Variants in ADARB2 observed in about 807,000 individuals in gnomAD.
ADARB2 encodes the protein inactive double-stranded RNA-specific editase B2.
A neutral mutation model predicts 62.2 loss-of-function variants in ADARB2; 25 were observed. That is an observed-to-expected ratio of 0.40 (90% confidence interval 0.29 to 0.56). The LOEUF is 0.56. ADARB2 is among the 20% of genes least tolerant of loss of function. The pLI is 0.43. For synonymous variants in ADARB2, 572 were observed against 500.8 expected, an observed-to-expected ratio of 1.14 and a Z score of -1.90; for missense variants, 1,071 against 1,077.4, an observed-to-expected ratio of 0.99 and a Z score of 0.08.
At chr10:1,638,513 T>TC (rs1297568059) in intron 1 of ADARB2, among the ~76,000 whole-genome samples, 1 of 152,050 alleles carries the variant, frequency 6.6e-6, no homozygotes. Context: ...GAGGTTTTTT[T>TC]TTTTGGTCAG....
At chr10:1,217,159 G>C in intron 6 of ADARB2, 40 bp from the exon 7 acceptor site, 3 of 1,507,862 alleles carry the variant, frequency 2.0e-6, no homozygotes, top group Non-Finnish European at 2.7e-6. Flanking sequence ...GAAGAGGGAA[G>C]CCGCCTTGGT....
At chr10:1,457,229 A>G (rs1831105775) in intron 1 of ADARB2, among the ~76,000 whole-genome samples, 1 of 152,222 alleles carries the variant, frequency 6.6e-6, no homozygotes, top group Non-Finnish European at 1.5e-5. Flanking sequence ...AAATTTAGAC[A>G]TAAGGCTCAG....
chr10:1,591,330 T>A (rs552703763), intron 1 of ADARB2, among the ~76,000 whole-genome samples: 18 of 152,246 alleles, frequency 1.2e-4, no homozygotes, highest in African/African-American at 4.1e-4. Context: ...CCTTCTTTCC[T>A]CCCTCTCAAA....
At chr10:1,284,889 C>T (rs1036335395) in intron 3 of ADARB2, among the ~76,000 whole-genome samples, 2 of 152,016 alleles carry the variant, frequency 1.3e-5, no homozygotes, top group Non-Finnish European at 2.9e-5. Context: ...ATGGTCTGGC[C>T]CACCTTCAGT....
intron 3 of ADARB2, among the ~76,000 whole-genome samples, chr10:1,355,620 G>A (rs1832187376): frequency 6.6e-6 from 1 of 152,200 alleles, no homozygotes; most frequent in Non-Finnish European, 1.5e-5. Context: ...TGGCTCACAG[G>A]CCCTGCTTAA....
chr10:1,661,420 A>G (rs945249506), intron 1 of ADARB2, among the ~76,000 whole-genome samples: 2 of 152,090 alleles, frequency 1.3e-5, no homozygotes, highest in Non-Finnish European at 2.9e-5. Context: ...TCATCTCCCA[A>G]TAGAGGAGAA....
intron 1 of ADARB2, among the ~76,000 whole-genome samples, chr10:1,670,300 A>G (rs1834368279): frequency 6.6e-6 from 1 of 152,202 alleles, no homozygotes; most frequent in South Asian, 2.1e-4. Context: ...TAGCACATGG[A>G]ATTTCAGAAA....
At chr10:1,713,150 G>A (rs373188213) in intron 1 of ADARB2, among the ~76,000 whole-genome samples, 46 of 152,292 alleles carry the variant, frequency 3.0e-4, no homozygotes, top group African/African-American at 8.7e-4. Flanking sequence ...GGAGGGTACC[G>A]CTCACACCTG....
At chr10:1,211,493 G>A (rs1219328164) in intron 7 of ADARB2, among the ~76,000 whole-genome samples, 1 of 152,208 alleles carries the variant, frequency 6.6e-6, no homozygotes, top group African/African-American at 2.4e-5. Context: ...CCACCTGCCA[G>A]AAGCTTAGAG....
intron 3 of ADARB2, among the ~76,000 whole-genome samples, chr10:1,323,928 C>A (rs1407558794): frequency 6.6e-6 from 1 of 152,198 alleles, no homozygotes; most frequent in Non-Finnish European, 1.5e-5. Context: ...GGAAAGCTTT[C>A]ATTCTGTGAA....
chr10:1,544,020 A>C (rs11594090), intron 1 of ADARB2, among the ~76,000 whole-genome samples: 11 of 70,218 alleles, frequency 1.6e-4, no homozygotes, highest in African/African-American at 3.6e-4. Flanking sequence ...AAAACAAACA[A>C]AAAAAAAAAC....
Position 1,737,252 on chromosome 10 carries a change from G to T in ADARB2, c.-102C>A. ...CGCCGCTGCTGCGAAGCTTGAGGTT[G>T]CAAACCCGGGAGCGGCTCACTTTTC... On this transcript the variant is annotated 5_prime_UTR_variant, in exon 1 of 10. Transcript: ENST00000381312. The T allele has an allele frequency of 8.1e-7, 1 of 1,236,610 alleles. No individual in the cohort carries two copies. The highest frequency in any genetic ancestry group is 1.2e-6 in the Non-Finnish European group (1 of 861,872). The allele number at this position is 1,236,610 out of a possible 1,614,324, so 76.6% of individuals were successfully genotyped here.
In ADARB2 at chr10:1,357,944, G is replaced by A. The variant is rs371875389; in HGVS notation, c.1077+5084C>T. Among the ~76,000 whole-genome samples, 17 of 152,322 alleles carry A rather than the reference G, an allele frequency of 1.1e-4. No homozygotes were observed. In the East Asian group the frequency reaches 1.5e-3, roughly 14 times the overall value. ...CACAGGACAAGCAGGTTTTTCCTAC[G>A]TTTGCACAAAGCTCTGCTGACTGTA... On this transcript the variant is annotated intron_variant, in intron 3 of 9. Transcript: ENST00000381312.
At chr10:1,591,574 G>T (rs1286437580) in intron 1 of ADARB2, among the ~76,000 whole-genome samples, 1 of 152,070 alleles carries the variant, frequency 6.6e-6, no homozygotes, top group Admixed American at 6.5e-5. Flanking sequence ...TTCAGAAAGT[G>T]CTCTCTGGGT....
chr10:1,712,975 C>T (rs1834969721), intron 1 of ADARB2, among the ~76,000 whole-genome samples: 1 of 152,078 alleles, frequency 6.6e-6, no homozygotes, highest in Non-Finnish European at 1.5e-5. Flanking sequence ...TCCTTAGTCC[C>T]GACAGCAGGG....
chr10:1,200,135 C>T lies in ADARB2; in HGVS notation c.1695G>A (p.Leu565=). The part of the protein sequence containing the change: ...CTDKIARWNV[L]GLQGALLSHF... ...GGGACAGGAGCGCGCCCTGCAGCCCCAGGACGTTCCACCTGTGGGGAGAGC... is the reference window on the plus strand; with the variant it reads ...GGGACAGGAGCGCGCCCTGCAGCCCTAGGACGTTCCACCTGTGGGGAGAGC... The change falls in exon 8 of 10, where the codon CTG becomes CTA. Residue 565 remains leucine, a synonymous_variant. Coordinates refer to ENST00000381312, the MANE Select transcript of ADARB2 (RefSeq NM_018702.4). 6.4e-7 allele frequency: 1 copy of T among 1,550,516 alleles called. No homozygotes were observed. The highest frequency in any genetic ancestry group is 8.7e-7 in the Non-Finnish European group (1 of 1,147,212).
At chr10:1,495,922 C>A (rs2131934816) in intron 1 of ADARB2, among the ~76,000 whole-genome samples, 1 of 152,116 alleles carries the variant, frequency 6.6e-6, no homozygotes, top group East Asian at 1.9e-4. Flanking sequence ...CCACCATCAT[C>A]ATCATTGTCA....
intron 1 of ADARB2, among the ~76,000 whole-genome samples, chr10:1,697,769 G>A (rs1834765708): frequency 1.3e-5 from 2 of 152,162 alleles, no homozygotes. Flanking sequence ...CCTGAGCACG[G>A]TGTATTGAAG....
chr10:1,590,940 C>G (rs1369930609), intron 1 of ADARB2, among the ~76,000 whole-genome samples: 1 of 152,190 alleles, frequency 6.6e-6, no homozygotes, highest in African/African-American at 2.4e-5. Context: ...CACCTGAGGC[C>G]ACAGGCGTGC....
Sources: allele counts gnomAD v4.1 joint callset (sites outside exome capture counted in the v4.1 genomes callset), GRCh38; gene constraint gnomAD v4.1.1; transcripts MANE v1.5; gene names NCBI Gene and HGNC (gene_info 2026-07-23, HGNC 2026-07-21).